PDE4D: variants seen among roughly 807,000 people sequenced by gnomAD.
The protein encoded by PDE4D is phosphodiesterase 4D.
In PDE4D, 24 loss-of-function variants were observed where a neutral mutation model predicts 87.4. That is an observed-to-expected ratio of 0.27 (90% CI 0.20 to 0.39). The LOEUF (loss-of-function observed/expected upper bound fraction) is 0.39, where lower values mean the gene tolerates loss of function less well. Among genes scored for constraint, PDE4D ranks in the 10% least tolerant of loss-of-function variants. PDE4D has a pLI of 1.00. For missense variants in PDE4D, 714 were observed against 1,041.0 expected, an observed-to-expected ratio of 0.69 and a Z score of 4.32; for synonymous variants, 384 against 383.2, an observed-to-expected ratio of 1.00 and a Z score of -0.02.
At chr5:60,055,149 G>A (rs981287272) in intron 2 of PDE4D, among the ~76,000 whole-genome samples, 3 of 151,902 alleles carry the variant, frequency 2.0e-5, no homozygotes, top group African/African-American at 7.3e-5. Flanking sequence ...AGAGACCAGG[G>A]ACCAGACAAT....
At chr5:60,362,717 G>T (rs1003843433) in intron 1 of PDE4D, among the ~76,000 whole-genome samples, 2 of 152,124 alleles carry the variant, frequency 1.3e-5, no homozygotes, top group African/African-American at 4.8e-5. Flanking sequence ...AAATTAGCCA[G>T]GTATGGCGGC....
intron 2 of PDE4D, among the ~76,000 whole-genome samples, chr5:60,048,997 G>A (rs1369731671): frequency 6.6e-6 from 1 of 152,114 alleles, no homozygotes; most frequent in Non-Finnish European, 1.5e-5. Context: ...TCACTTTCAG[G>A]TACACCAATC....
At chr5:60,460,024 T>G (rs192602363) in intron 1 of PDE4D, 143 of 1,283,764 alleles carry the variant, frequency 1.1e-4, no homozygotes, top group South Asian at 3.8e-4. Flanking sequence ...CAAGTAGTAC[T>G]GTAATGAGTT....
At chr5:59,172,851 C>T (rs920791093) in intron 5 of PDE4D, 1 of 151,928 alleles carries the variant, frequency 6.6e-6, no homozygotes, top group African/African-American at 2.4e-5. Context: ...AGAGCGTATG[C>T]ATGCCATATA....
At chr5:60,256,812 A>G (rs1749103107) in intron 1 of PDE4D, among the ~76,000 whole-genome samples, 1 of 152,000 alleles carries the variant, frequency 6.6e-6, no homozygotes, top group Non-Finnish European at 1.5e-5. Flanking sequence ...CTTCTTGGGA[A>G]GAATGTATGT....
At chr5:60,189,943 A>G (rs1369429895) in intron 1 of PDE4D, among the ~76,000 whole-genome samples, 2 of 152,098 alleles carry the variant, frequency 1.3e-5, no homozygotes, top group East Asian at 1.9e-4. Flanking sequence ...GTTGTCTCCA[A>G]CTCATCAAAA....
chr5:59,163,084 C>T (rs1781377201), intron 5 of PDE4D, among the ~76,000 whole-genome samples: 1 of 150,626 alleles, frequency 6.6e-6, no homozygotes, highest in African/African-American at 2.5e-5. Flanking sequence ...AGGCATGTGC[C>T]ACCATGCCTC....
At chr5:59,771,386 C>T (rs199928555) in intron 1 of PDE4D, among the ~76,000 whole-genome samples, 9 of 132,912 alleles carry the variant, frequency 6.8e-5, no homozygotes, top group South Asian at 2.5e-4. Flanking sequence ...ATGATATGGG[C>T]GACAGAGCGA....
intron 1 of PDE4D, among the ~76,000 whole-genome samples, chr5:60,381,048 G>A (rs1370225350): frequency 1.3e-5 from 2 of 152,190 alleles, no homozygotes; most frequent in Non-Finnish European, 2.9e-5. Flanking sequence ...GCTCCTGAGA[G>A]TAAGCCTTGA....
At chr5:60,448,665 G>A (rs1258476019) in intron 1 of PDE4D, 1 of 152,148 alleles carries the variant, frequency 6.6e-6, no homozygotes, top group Non-Finnish European at 1.5e-5. Context: ...GAACAGGAGT[G>A]TTGCTTCAGG....
At chr5:59,252,743 T>C (rs1230681213) in intron 1 of PDE4D, among the ~76,000 whole-genome samples, 1 of 152,000 alleles carries the variant, frequency 6.6e-6, no homozygotes, top group Non-Finnish European at 1.5e-5. Flanking sequence ...CCCAGGCTGG[T>C]CTTACATTCC....
intron 1 of PDE4D, among the ~76,000 whole-genome samples, chr5:59,599,788 C>T (rs948510187): frequency 6.6e-6 from 1 of 152,168 alleles, no homozygotes; most frequent in Non-Finnish European, 1.5e-5. Flanking sequence ...TTGCTCTTCC[C>T]CTTCCTTGGC....
intron 3 of PDE4D, among the ~76,000 whole-genome samples, chr5:59,943,717 C>A (rs1370554560): frequency 6.6e-6 from 1 of 152,232 alleles, no homozygotes; most frequent in Non-Finnish European, 1.5e-5. Context: ...GAAAGCTGAA[C>A]TCTCTCCTGA....
At chr5:60,105,913 G>C (rs1449153730) in intron 2 of PDE4D, among the ~76,000 whole-genome samples, 2 of 152,160 alleles carry the variant, frequency 1.3e-5, no homozygotes, top group Non-Finnish European at 2.9e-5. Context: ...ATGCCAAATT[G>C]TAAAGACCAT....
chr5:59,481,234 G>A (rs896985124), intron 1 of PDE4D, among the ~76,000 whole-genome samples: 5 of 152,066 alleles, frequency 3.3e-5, no homozygotes, highest in African/African-American at 1.2e-4. Flanking sequence ...CCATTGGCAT[G>A]CTAAGACCTA....
intron 5 of PDE4D, among the ~76,000 whole-genome samples, chr5:59,125,948 CT>C (rs2153448453): frequency 6.6e-6 from 1 of 152,238 alleles, no homozygotes; most frequent in Non-Finnish European, 1.5e-5. Flanking sequence ...GGCTCTGGCT[CT>C]GCTTATTGAT....
At chr5:59,199,578 T>A (rs996060643) in intron 2 of PDE4D, among the ~76,000 whole-genome samples, 1 of 152,166 alleles carries the variant, frequency 6.6e-6, no homozygotes, top group Non-Finnish European at 1.5e-5. Flanking sequence ...AGTATCTTTC[T>A]TTCCTCAGCC....
intron 1 of PDE4D, among the ~76,000 whole-genome samples, chr5:59,866,339 C>G (rs1747035285): frequency 6.6e-6 from 1 of 152,074 alleles, no homozygotes. Context: ...AGATCACATT[C>G]TAGTAAAAGA....
intron 1 of PDE4D, among the ~76,000 whole-genome samples, chr5:60,315,308 C>G (rs868324138): frequency 1.3e-5 from 2 of 152,112 alleles, no homozygotes; most frequent in Non-Finnish European, 2.9e-5. Flanking sequence ...CTGTTCATAT[C>G]CTTCGCCTAT....
Sources: allele counts gnomAD v4.1 joint callset (sites outside exome capture counted in the v4.1 genomes callset), GRCh38; gene constraint gnomAD v4.1.1; transcripts MANE v1.5; gene names NCBI Gene and HGNC (gene_info 2026-07-23, HGNC 2026-07-21).